NKAIN2: variants seen among roughly 807,000 people sequenced by gnomAD.
NKAIN2 encodes the protein sodium/potassium transporting ATPase interacting 2, also known as sodium/potassium-transporting ATPase subunit beta-1-interacting protein 2.
A neutral mutation model predicts 32.6 loss-of-function variants in NKAIN2; 14 were observed. That is an observed-to-expected ratio of 0.43 (90% CI 0.28 to 0.67). NKAIN2 has a LOEUF of 0.67. Among genes scored for constraint, NKAIN2 ranks in the 30% least tolerant of loss-of-function variants. The pLI is 0.17. For synonymous variants in NKAIN2, 80 were observed against 87.2 expected (o/e 0.92, Z 0.46); for missense variants, 198 against 258.3 (o/e 0.77, Z 1.60).
intron 3 of NKAIN2, among the ~76,000 whole-genome samples, chr6:124,642,077 A>C (rs1197359800): frequency 6.6e-6 from 1 of 152,176 alleles, no homozygotes; most frequent in East Asian, 1.9e-4. Flanking sequence ...TGAAGACTCT[A>C]ACAAAGTAGG....
chr6:124,755,168 G>T (rs1437147565), intron 4 of NKAIN2, among the ~76,000 whole-genome samples: 1 of 152,086 alleles, frequency 6.6e-6, no homozygotes, highest in East Asian at 1.9e-4. Flanking sequence ...AGAGCCCCAC[G>T]CAAAGCACTT....
chr6:124,491,753 T>C (rs1777871756), intron 3 of NKAIN2, among the ~76,000 whole-genome samples: 1 of 151,936 alleles, frequency 6.6e-6, no homozygotes, highest in Non-Finnish European at 1.5e-5. Flanking sequence ...CGGAAAATGT[T>C]CTCAATTCCA....
intron 3 of NKAIN2, among the ~76,000 whole-genome samples, chr6:124,429,679 T>C (rs1775129739): frequency 6.6e-6 from 1 of 152,166 alleles, no homozygotes; most frequent in South Asian, 2.1e-4. Flanking sequence ...AATGAAACCC[T>C]GGGGCTTCAA....
In NKAIN2 at chr6:124,025,961, T is replaced by A. The variant is rs1331352251; in HGVS notation, c.54+221707T>A. Among the ~76,000 whole-genome samples, 3 of 152,276 alleles carry A rather than the reference T, an allele frequency of 2.0e-5. No individual in the cohort carries two copies. In the South Asian group the frequency reaches 6.2e-4, roughly 32 times the overall value. ...TTGCCTAAAAGTGAGTATAACACCT[T>A]CATTCCTGAGAGATCCTGCCCTGTA... On this transcript the variant is annotated intron_variant, in intron 1 of 6. Coordinates refer to ENST00000368417, the MANE Select transcript of NKAIN2 (RefSeq NM_001040214.3).
Position 124,637,915 on chromosome 6 carries a change from C to T in NKAIN2, c.274-20271C>T, listed in dbSNP as rs112593134. Among the ~76,000 whole-genome samples, 962 of 152,144 alleles carry T rather than the reference C, an allele frequency of 6.3e-3. 14 individuals are homozygous for T. The highest frequency in any genetic ancestry group is 0.022 in the African/African-American group (922 of 41,468). The stretch of plus-strand genomic sequence containing the variant: ...TCAAACAGCAAAAACAATTCTAATA[C>T]TTGTATGGAACCACAAAAGACCTCA... On this transcript the variant is annotated intron_variant, in intron 3 of 6. Transcript: ENST00000368417.
At chr6:123,827,310 T>C (rs868020436) in intron 1 of NKAIN2, among the ~76,000 whole-genome samples, 1 of 152,202 alleles carries the variant, frequency 6.6e-6, no homozygotes, top group Non-Finnish European at 1.5e-5. Flanking sequence ...ATGAATTTCC[T>C]GTCCTGATGT....
At chr6:124,403,971 T>G (rs997947267) in intron 3 of NKAIN2, among the ~76,000 whole-genome samples, 4 of 152,190 alleles carry the variant, frequency 2.6e-5, no homozygotes, top group African/African-American at 7.2e-5. Flanking sequence ...CCTATGCAAG[T>G]TAACTTTTCT....
chr6:124,747,395 G>T (rs929992840), intron 4 of NKAIN2, among the ~76,000 whole-genome samples: 5 of 151,858 alleles, frequency 3.3e-5, no homozygotes, highest in South Asian at 2.1e-4. Context: ...TAATGACTTT[G>T]CAGCCATAAT....
chr6:124,229,523 G>T (rs889697654), intron 1 of NKAIN2, among the ~76,000 whole-genome samples: 6 of 150,042 alleles, frequency 4.0e-5, no homozygotes, highest in African/African-American at 1.3e-4. Context: ...TAGATAGATA[G>T]ATAGATAGAT....
At chr6:124,192,619 A>T (rs979845889) in intron 1 of NKAIN2, among the ~76,000 whole-genome samples, 49 of 151,478 alleles carry the variant, frequency 3.2e-4, no homozygotes, top group Admixed American at 1.6e-3. Context: ...GAATCAATAG[A>T]GTTGTTTAGA....
intron 3 of NKAIN2, among the ~76,000 whole-genome samples, chr6:124,471,769 C>T (rs149351765): frequency 0.015 from 2,292 of 152,164 alleles, 110 homozygotes; most frequent in Admixed American, 0.095. Context: ...TAGATAAACT[C>T]ATATGTATGT....
At chr6:123,957,804 A>G (rs1777666000) in intron 1 of NKAIN2, among the ~76,000 whole-genome samples, 1 of 152,192 alleles carries the variant, frequency 6.6e-6, no homozygotes, top group Non-Finnish European at 1.5e-5. Flanking sequence ...AATTAATAAG[A>G]GGATAAAAAA....
intron 3 of NKAIN2, among the ~76,000 whole-genome samples, chr6:124,459,487 T>G (rs1386294371): frequency 2.0e-5 from 3 of 151,860 alleles, no homozygotes; most frequent in East Asian, 3.9e-4. Context: ...ATAAGCTGAG[T>G]GTAATCACAA....
chr6:123,827,864 A>G (rs976190954), intron 1 of NKAIN2, among the ~76,000 whole-genome samples: 4 of 151,444 alleles, frequency 2.6e-5, no homozygotes, highest in Admixed American at 2.0e-4. Context: ...AAAACATCAC[A>G]GGATAGCAGT....
At chr6:124,272,610 A>C (rs1471038010) in intron 1 of NKAIN2, among the ~76,000 whole-genome samples, 1 of 152,200 alleles carries the variant, frequency 6.6e-6, no homozygotes, top group Non-Finnish European at 1.5e-5. Context: ...CCCCACACAG[A>C]GTACCCACTG....
At chr6:124,434,204 A>T (rs1021310950) in intron 3 of NKAIN2, among the ~76,000 whole-genome samples, 1 of 152,214 alleles carries the variant, frequency 6.6e-6, no homozygotes, top group Non-Finnish European at 1.5e-5. Context: ...TCTGAAGTAG[A>T]AAAACATAAC....
chr6:124,419,866 A>T (rs1774668655), intron 3 of NKAIN2, among the ~76,000 whole-genome samples: 1 of 152,134 alleles, frequency 6.6e-6, no homozygotes, highest in Non-Finnish European at 1.5e-5. Context: ...ATCTTTAACT[A>T]CAAATACAAG....
chr6:124,656,525 G>A (rs962564932), intron 3 of NKAIN2, among the ~76,000 whole-genome samples: 16 of 151,974 alleles, frequency 1.1e-4, no homozygotes, highest in Non-Finnish European at 2.4e-4. Flanking sequence ...AGAATTTGGT[G>A]GCTAATGAGA....
chr6:124,800,031 C>T (rs528209569), intron 5 of NKAIN2, among the ~76,000 whole-genome samples: 130 of 152,288 alleles, frequency 8.5e-4, no homozygotes, highest in Non-Finnish European at 1.6e-3. Flanking sequence ...CACTGGGATT[C>T]TTTAGTCCCA....
Sources: gnomAD v4.1 joint callset for allele counts (sites outside exome capture counted in the v4.1 genomes callset) on GRCh38, gnomAD v4.1.1 for gene constraint, MANE v1.5 for transcripts, NCBI Gene and HGNC (gene_info 2026-07-23, HGNC 2026-07-21) for gene names.